Variants in OSBPL3 observed in about 807,000 individuals in gnomAD.
The protein encoded by OSBPL3 is oxysterol binding protein like 3, also known as oxysterol-binding protein-related protein 3.
In OSBPL3, 65 loss-of-function variants were observed where a neutral mutation model predicts 120.1. The observed-to-expected ratio is 0.54, with a 90% CI of 0.44 to 0.67. OSBPL3 has a LOEUF of 0.67. OSBPL3 is among the 30% of genes least tolerant of loss of function. The probability of loss-of-function intolerance (pLI) is 0.00; values close to 1 mark genes in which losing one functional copy is unlikely to be tolerated. For synonymous variants in OSBPL3, 416 were observed against 402.6 expected, an observed-to-expected ratio of 1.03 and a Z score of -0.40; for missense variants, 1,004 against 1,082.1, an observed-to-expected ratio of 0.93 and a Z score of 1.01.
rs1227301934 is a variant in OSBPL3, at chr7:24,965,510, C to T, written c.-150+14376G>A. On this transcript the variant is annotated intron_variant, in intron 1 of 22. Transcript: ENST00000313367. This position sits in a 1 kb window ranked among gnomAD's most constrained non-coding sequence, Gnocchi z 4.3. ...ATAACCAGAATTCTCTGGTTCTTCTCGGAATCAGAATGGACTCCAGGCTGG... is the reference window on the plus strand; with the variant it reads ...ATAACCAGAATTCTCTGGTTCTTCTTGGAATCAGAATGGACTCCAGGCTGG... Among the ~76,000 whole-genome samples, 1 of 152,240 alleles carries T rather than the reference C, an allele frequency of 6.6e-6. No individual in the cohort carries two copies. Among genetic ancestry groups the T allele is most frequent in the East Asian group, 1.9e-4 (1 of 5,190 alleles).
intron 1 of OSBPL3, among the ~76,000 whole-genome samples, chr7:24,951,494 TAAA>T (rs1031450720): frequency 2.0e-5 from 3 of 152,076 alleles, no homozygotes; most frequent in Non-Finnish European, 4.4e-5. Flanking sequence ...GCACAAAAAA[TAAA>T]AACACTTTTA....
rs555797689 is a variant in OSBPL3 at position 24,872,446 on chromosome 7, A to AGTGTGTGTGTGTGTGT, written c.97-378_97-377insACACACACACACACAC. Among the ~76,000 whole-genome samples, 1 of 83,390 alleles carries AGTGTGTGTGTGTGTGT rather than the reference A, an allele frequency of 1.2e-5. No homozygotes were observed. The highest frequency in any genetic ancestry group is 4.5e-5 in the African/African-American group (1 of 22,382). 54.7% of individuals were successfully genotyped at this position (83,390 alleles called of 152,430 possible). On this transcript the variant is annotated intron_variant, in intron 2 of 22. Coordinates refer to ENST00000313367, the MANE Select transcript of OSBPL3 (RefSeq NM_015550.4). The surrounding 1 kb of genome is among the most constrained non-coding windows in gnomAD (Gnocchi z 4.1). ...CTTCAGTCTGAATTTTAACCGAAAG[A>AGTGTGTGTGTGTGTGT]GAGTGTGTGTGTGTGTGTGTGTGTG...
At position 24,852,850 on chromosome 7, in the gene OSBPL3, C is replaced by T. The variant is rs1799334664; in HGVS notation, c.1028-216G>A. On this transcript the variant is annotated intron_variant, in intron 10 of 22. Coordinates refer to ENST00000313367, the MANE Select transcript of OSBPL3 (RefSeq NM_015550.4). This position sits in a 1 kb window ranked among gnomAD's most constrained non-coding sequence, Gnocchi z 4.1. ...AGGCCTCTGGATGATGATGTGTCCA[C>T]GTAGGTTCATTGACTGTAAGAGATG... 6.6e-6 allele frequency among the ~76,000 whole-genome samples: 1 copy of T among 152,062 alleles called. No homozygotes were observed. The highest frequency in any genetic ancestry group is 1.5e-5 in the Non-Finnish European group (1 of 68,020).
chr7:24,858,232 G>A (rs1485252538), intron 10 of OSBPL3, among the ~76,000 whole-genome samples: 1 of 152,196 alleles, frequency 6.6e-6, no homozygotes. Context: ...CAAGGTGAAG[G>A]TCGCAGAGAC....
intron 1 of OSBPL3, among the ~76,000 whole-genome samples, chr7:24,901,109 C>T (rs961533328): frequency 2.0e-5 from 3 of 151,326 alleles, no homozygotes; most frequent in Non-Finnish European, 4.4e-5. Context: ...GCGGGCGGAT[C>T]ACGAGGTCAA....
In OSBPL3 at chr7:24,922,530, G is replaced by A. The variant is rs914900007; in HGVS notation, c.-149-29909C>T. Among the ~76,000 whole-genome samples the A allele has an allele frequency of 2.6e-5, 4 of 152,172 alleles. No homozygotes were observed. Among genetic ancestry groups the A allele is most frequent in the Admixed American group, 2.6e-4 (4 of 15,274 alleles). On this transcript the variant is annotated intron_variant, in intron 1 of 22. Coordinates refer to ENST00000313367, the MANE Select transcript of OSBPL3 (RefSeq NM_015550.4). This position sits in a 1 kb window ranked among gnomAD's most constrained non-coding sequence, Gnocchi z 4.3. ...CATTAAACAATTAAATACATAAAATGCACTATGTGATTCATCATTACAGTA... is the reference window on the plus strand; with the variant it reads ...CATTAAACAATTAAATACATAAAATACACTATGTGATTCATCATTACAGTA...
chr7:24,818,691 A>G lies in OSBPL3; in HGVS notation c.1948+1484T>C, dbSNP rs1174721403. ...AGAACAGATGTGACAAACAGAAAAG[A>G]AACATCATGAGGGCAGATTTAAGCC... is the stretch of plus-strand genomic sequence containing the variant. On this transcript the variant is annotated intron_variant, in intron 17 of 22. Transcript: ENST00000313367. The surrounding 1 kb of genome is among the most constrained non-coding windows in gnomAD (Gnocchi z 4.0). Among the ~76,000 whole-genome samples, 8 of 152,206 alleles carry G rather than the reference A, an allele frequency of 5.3e-5. No homozygotes were observed. Among genetic ancestry groups the G allele is most frequent in the African/African-American group, 1.9e-4 (8 of 41,446 alleles).
intron 1 of OSBPL3, among the ~76,000 whole-genome samples, chr7:24,971,652 G>C (rs1325890648): frequency 6.6e-6 from 1 of 152,240 alleles, no homozygotes. Context: ...GAAGGGTAAA[G>C]GGATGTTGGA....
chr7:24,866,475 A>C (rs1801333214), intron 5 of OSBPL3, among the ~76,000 whole-genome samples: 1 of 152,026 alleles, frequency 6.6e-6, no homozygotes, highest in Admixed American at 6.6e-5. Flanking sequence ...CTGTCTCTAC[A>C]AAAAATACCA....
intron 2 of OSBPL3, among the ~76,000 whole-genome samples, chr7:24,884,879 CCCT>C (rs1479277879): frequency 6.6e-6 from 1 of 152,146 alleles, no homozygotes; most frequent in Non-Finnish European, 1.5e-5. Flanking sequence ...TTTCCAAGGT[CCCT>C]CCTCCTTGAC....
rs1301308389 is a variant in OSBPL3 at position 24,806,554 on chromosome 7, A to G, written c.2444+222T>C. ...AATAAACACCTTTTTTGGCATTTCA[A>G]TGCAAATGGGGCTTTACAGATAATA... is the stretch of plus-strand genomic sequence containing the variant. On this transcript the variant is annotated intron_variant, in intron 21 of 22. Coordinates refer to ENST00000313367, the MANE Select transcript of OSBPL3 (RefSeq NM_015550.4). This position sits in a 1 kb window ranked among gnomAD's most constrained non-coding sequence, Gnocchi z 5.2. Among the ~76,000 whole-genome samples the G allele has an allele frequency of 6.6e-6, 1 of 152,118 alleles. No homozygotes were observed. Among genetic ancestry groups the G allele is most frequent in the African/African-American group, 2.4e-5 (1 of 41,418 alleles).
At position 24,870,854 on chromosome 7, in the gene OSBPL3, G is replaced by A. The variant is rs1437462524; in HGVS notation, c.268-9C>T. On this transcript the variant is annotated splice_polypyrimidine_tract_variant and intron_variant, in intron 4 of 22. Coordinates refer to ENST00000313367, the MANE Select transcript of OSBPL3 (RefSeq NM_015550.4). Reference sequence around the variant, plus strand: ...AGCTTCTCTCTCTCTATCTGCAGAGGCACCAAGAGGGTCACTTGGGGACCA... The same window carrying A: ...AGCTTCTCTCTCTCTATCTGCAGAGACACCAAGAGGGTCACTTGGGGACCA... The A allele has an allele frequency of 6.4e-7, 1 of 1,569,078 alleles. No individual in the cohort carries two copies. The highest frequency in any genetic ancestry group is 8.8e-7 in the Non-Finnish European group (1 of 1,138,974).
rs1812069774 is a variant in OSBPL3 at position 24,933,789 on chromosome 7, A to G, written c.-149-41168T>C. Reference sequence around the variant, plus strand: ...AAAAGCAAACCAATGGGTAATTCCCAAAGTTACTATCTGCTTTTGCTATCA... The same window carrying G: ...AAAAGCAAACCAATGGGTAATTCCCGAAGTTACTATCTGCTTTTGCTATCA... On this transcript the variant is annotated intron_variant, in intron 1 of 22. Transcript: ENST00000313367. This position sits in a 1 kb window ranked among gnomAD's most constrained non-coding sequence, Gnocchi z 5.1. 6.6e-6 allele frequency among the ~76,000 whole-genome samples: 1 copy of G among 152,234 alleles called. No homozygotes were observed. The highest frequency in any genetic ancestry group is 6.5e-5 in the Admixed American group (1 of 15,282).
intron 1 of OSBPL3, among the ~76,000 whole-genome samples, chr7:24,970,784 A>G (rs1294425908): frequency 6.6e-6 from 1 of 152,190 alleles, no homozygotes; most frequent in African/African-American, 2.4e-5. Context: ...TGTGCATCAT[A>G]ATCACCTGAA....
Position 24,835,745 on chromosome 7 carries a change from G to A in OSBPL3, c.1496-1009C>T, listed in dbSNP as rs189134992. Among the ~76,000 whole-genome samples the A allele has an allele frequency of 1.3e-5, 2 of 152,240 alleles. No homozygotes were observed. The highest frequency in any genetic ancestry group is 2.9e-5 in the Non-Finnish European group (2 of 68,008). ...ATACTGTGCAGCCATAAAAAAGAATGGGATCATAGCCTTTGCAGCAACATA... is the reference window on the plus strand; with the variant it reads ...ATACTGTGCAGCCATAAAAAAGAATAGGATCATAGCCTTTGCAGCAACATA... On this transcript the variant is annotated intron_variant, in intron 14 of 22. Transcript: ENST00000313367. The surrounding 1 kb of genome is among the most constrained non-coding windows in gnomAD (Gnocchi z 4.8).
At position 24,865,193 on chromosome 7, in the gene OSBPL3, G is replaced by A. The variant is rs530227257; in HGVS notation, c.673+149C>T. ...AAGATCTGCAAGGAGAGTGTCTTTT[G>A]TTGATGATGGGTGCAACCTTTACAA... On this transcript the variant is annotated intron_variant, in intron 7 of 22. Coordinates refer to ENST00000313367, the MANE Select transcript of OSBPL3 (RefSeq NM_015550.4). The A allele has an allele frequency of 2.7e-5, 20 of 730,716 alleles. No individual in the cohort carries two copies. In the African/African-American group the frequency reaches 3.4e-4, roughly 12 times the overall value. 45.3% of individuals were successfully genotyped at this position (730,716 alleles called of 1,614,324 possible). A position where few individuals can be genotyped will look rare whatever the true frequency, so the allele number is the denominator to read the frequency against.
At chr7:24,828,613 A>G (rs867330777) in intron 16 of OSBPL3, among the ~76,000 whole-genome samples, 44 of 122,114 alleles carry the variant, frequency 3.6e-4, no homozygotes, top group Non-Finnish European at 4.4e-4. Context: ...TCTGAAAAAA[A>G]AAAAAAAAGA....
chr7:24,942,812 T>A (rs1055657100), intron 1 of OSBPL3, among the ~76,000 whole-genome samples: 1 of 152,190 alleles, frequency 6.6e-6, no homozygotes, highest in African/African-American at 2.4e-5. Context: ...TTAAGTGGGA[T>A]AACGATCATG....
chr7:24,973,397 C>T (rs920086832), intron 1 of OSBPL3, among the ~76,000 whole-genome samples: 4 of 152,208 alleles, frequency 2.6e-5, no homozygotes, highest in Admixed American at 2.6e-4. Flanking sequence ...CACTCATACT[C>T]AAGGGGTCTT....
Sources: allele counts gnomAD v4.1 joint callset (sites outside exome capture counted in the v4.1 genomes callset), GRCh38; gene constraint gnomAD v4.1.1; non-coding constraint Gnocchi (gnomAD v3.1); transcripts MANE v1.5; gene names NCBI Gene and HGNC (gene_info 2026-07-23, HGNC 2026-07-21).